Variants in DPY19L2 observed in about 807,000 individuals in gnomAD.
The protein encoded by DPY19L2 is probable C-mannosyltransferase DPY19L2.
DPY19L2 carries 34 observed loss-of-function variants against 97.9 expected under a neutral mutation model. The observed-to-expected ratio is 0.35, with a 90% confidence interval of 0.26 to 0.46. The LOEUF is 0.46. Ranked by LOEUF, DPY19L2 falls within the 20% of genes least tolerant of loss-of-function variation. DPY19L2 has a pLI of 1.00. For synonymous variants in DPY19L2, 230 were observed against 307.9 expected (o/e 0.75, Z 2.65); for missense variants, 623 against 911.4 (o/e 0.68, Z 4.07).
At position 63,665,839 on chromosome 12, in the gene DPY19L2, G is replaced by C; in HGVS notation, c.358C>G (p.His120Asp). 1 of 1,583,982 alleles carries C rather than the reference G, an allele frequency of 6.3e-7. No homozygotes were observed. Among genetic ancestry groups the C allele is most frequent in the Non-Finnish European group, 8.6e-7 (1 of 1,163,462 alleles). Reference protein sequence around the residue: ...LGIAVFVAILHWLHLVTLFEN... With the variant: ...LGIAVFVAILDWLHLVTLFEN... ...CAAACTGAAACTAAATCTTACCAAT[G>C]TAAAATTGCCACAAAGACAGCTGGA... is the stretch of plus-strand genomic sequence containing the variant. Residue 120 changes from histidine (H) to aspartate (D), a missense_variant, in exon 2 of 22, where the codon CAT becomes GAT. By Grantham distance (81) the His-to-Asp change is moderately conservative (BLOSUM62 -1). Transcript: ENST00000324472.
chr12:63,658,119 C>T (rs1229066025), intron 4 of DPY19L2, among the ~76,000 whole-genome samples: 1 of 152,148 alleles, frequency 6.6e-6, no homozygotes, highest in Non-Finnish European at 1.5e-5. Context: ...CACCTGAAGC[C>T]TCCAGAAGCT....
At chr12:63,600,091 CA>C (rs1318918125) in intron 13 of DPY19L2, among the ~76,000 whole-genome samples, 3 of 152,006 alleles carry the variant, frequency 2.0e-5, no homozygotes, top group Non-Finnish European at 4.4e-5. Flanking sequence ...ACTAAAAGGG[CA>C]AGTCAGCATT....
At chr12:63,633,998 T>C (rs1170180855) in intron 6 of DPY19L2, among the ~76,000 whole-genome samples, 1 of 151,312 alleles carries the variant, frequency 6.6e-6, no homozygotes, top group African/African-American at 2.4e-5. Flanking sequence ...TCACTCATAG[T>C]TGGGAATTGA....
chr12:63,633,185 C>A (rs772549049), intron 6 of DPY19L2, among the ~76,000 whole-genome samples: 8 of 152,246 alleles, frequency 5.3e-5, no homozygotes, highest in Non-Finnish European at 7.4e-5. Context: ...GCACCAAAAG[C>A]AATGGCAAGA....
intron 12 of DPY19L2, among the ~76,000 whole-genome samples, chr12:63,601,843 A>C (rs901319237): frequency 2.6e-5 from 4 of 152,112 alleles, no homozygotes; most frequent in African/African-American, 9.7e-5. Context: ...AACCCAAACC[A>C]AAAGACTATC....
chr12:63,630,265 G>C (rs1255715021), intron 6 of DPY19L2, among the ~76,000 whole-genome samples: 21 of 151,218 alleles, frequency 1.4e-4, no homozygotes, highest in African/African-American at 4.6e-4. Context: ...AAAAGACACA[G>C]ACTGGCAAAT....
chr12:63,565,469 G>C (rs186714924), intron 21 of DPY19L2, among the ~76,000 whole-genome samples: 3 of 151,994 alleles, frequency 2.0e-5, no homozygotes, highest in Admixed American at 6.6e-5. Context: ...TCTCTTACTC[G>C]TTTGCCTCCT....
chr12:63,574,565 C>T (rs1879469798), intron 19 of DPY19L2, among the ~76,000 whole-genome samples: 1 of 151,860 alleles, frequency 6.6e-6, no homozygotes, highest in Non-Finnish European at 1.5e-5. Context: ...ACAAGAAACA[C>T]ACTTTACTTA....
intron 7 of DPY19L2, 53 bp downstream of exon 7, chr12:63,626,416 T>C: frequency 6.6e-7 from 1 of 1,508,696 alleles, no homozygotes; most frequent in South Asian, 1.3e-5. Flanking sequence ...TATATTTCCT[T>C]GTTCCTCTAC....
At chr12:63,621,021 G>A (rs1446566640) in intron 9 of DPY19L2, among the ~76,000 whole-genome samples, 1 of 151,486 alleles carries the variant, frequency 6.6e-6, no homozygotes, top group African/African-American at 2.4e-5. Context: ...TGGACACAGG[G>A]AGAGGAACAA....
chr12:63,637,434 G>T (rs1371287634), intron 6 of DPY19L2, among the ~76,000 whole-genome samples: 3 of 151,938 alleles, frequency 2.0e-5, no homozygotes, highest in South Asian at 4.2e-4. Context: ...CTGGTTTTTG[G>T]GAAAGATCAA....
intron 21 of DPY19L2, among the ~76,000 whole-genome samples, chr12:63,561,005 G>C (rs889507234): frequency 1.4e-4 from 22 of 152,260 alleles, no homozygotes; most frequent in Non-Finnish European, 2.6e-4. Context: ...CCCATTTGTA[G>C]TAAAATAAGA....
At chr12:63,613,236 C>G (rs572672242) in intron 11 of DPY19L2, among the ~76,000 whole-genome samples, 5 of 152,166 alleles carry the variant, frequency 3.3e-5, no homozygotes, top group Admixed American at 3.3e-4. Context: ...AACTTAGGTG[C>G]AAAATCGTAA....
intron 4 of DPY19L2, chr12:63,660,886 C>T (rs1457865428): frequency 2.0e-5 from 3 of 152,166 alleles, no homozygotes; most frequent in East Asian, 1.9e-4. Flanking sequence ...AACAACCATA[C>T]TCTTTTAGGC....
intron 17 of DPY19L2, among the ~76,000 whole-genome samples, chr12:63,583,249 A>C (rs1334550435): frequency 1.3e-5 from 2 of 152,204 alleles, no homozygotes; most frequent in African/African-American, 4.8e-5. Flanking sequence ...GTTGACCTTT[A>C]CCTCAAGACC....
chr12:63,647,852 G>A (rs1327642563), intron 4 of DPY19L2, among the ~76,000 whole-genome samples: 3 of 152,134 alleles, frequency 2.0e-5, no homozygotes, highest in Non-Finnish European at 2.9e-5. Context: ...TAACTTATAT[G>A]GTTATGAGTT....
At chr12:63,626,215 T>C (rs1889511852) in intron 7 of DPY19L2, among the ~76,000 whole-genome samples, 1 of 151,440 alleles carries the variant, frequency 6.6e-6, no homozygotes, top group Non-Finnish European at 1.5e-5. Context: ...ACAAGTACAA[T>C]ATTTCCTTTT....
chr12:63,622,269 A>C (rs1888817114), intron 8 of DPY19L2, among the ~76,000 whole-genome samples: 1 of 152,190 alleles, frequency 6.6e-6, no homozygotes, highest in Non-Finnish European at 1.5e-5. Flanking sequence ...ACTTCAAAAA[A>C]TAAAAATAAC....
At position 63,663,794 on chromosome 12, in the gene DPY19L2, T is replaced by C. The variant is rs1237035144; in HGVS notation, c.414A>G (p.Ser138=). Residue 138 remains serine, a synonymous_variant, in exon 3 of 22, where the codon TCA becomes TCG. Coordinates refer to ENST00000324472, the MANE Select transcript of DPY19L2 (RefSeq NM_173812.5). ...FENDRHFSHL[S]SLEREMTFRT... is the part of the protein sequence containing the mutation. ...GAAAAGTCATCTCCCGTTCCAAAGA[T>C]GAGAGGTGAGAGAAATGACGATCAT... is the stretch of plus-strand genomic sequence containing the variant. 1.9e-6 allele frequency: 3 copies of C among 1,604,686 alleles called. No homozygotes were observed. Among genetic ancestry groups the C allele is most frequent in the Non-Finnish European group, 2.5e-6 (3 of 1,177,452 alleles).
Sources: gnomAD v4.1 joint callset for allele counts (sites outside exome capture counted in the v4.1 genomes callset) on GRCh38, gnomAD v4.1.1 for gene constraint, MANE v1.5 for transcripts, NCBI Gene and HGNC (gene_info 2026-07-23, HGNC 2026-07-21) for gene names.